DCC: variants seen among roughly 807,000 people sequenced by gnomAD.
DCC encodes DCC netrin 1 receptor, also known as netrin receptor DCC.
Under a neutral mutation model 172.5 loss-of-function variants are expected in DCC, and 58 were observed. That is an observed-to-expected ratio of 0.34 (90% CI 0.27 to 0.42). The LOEUF (loss-of-function observed/expected upper bound fraction) is 0.42. Among genes scored for constraint, DCC ranks in the 10% least tolerant of loss-of-function variants. The pLI, the probability that DCC is intolerant of heterozygous loss-of-function variation, is 1.00. For synonymous variants in DCC, 709 were observed against 644.5 expected, an observed-to-expected ratio of 1.10 and a Z score of -1.52; for missense variants, 1,740 against 1,791.0, an observed-to-expected ratio of 0.97 and a Z score of 0.51.
chr18:53,484,496 A>G (rs1177539647), intron 25 of DCC, among the ~76,000 whole-genome samples: 2 of 152,036 alleles, frequency 1.3e-5, no homozygotes, highest in East Asian at 3.9e-4. Flanking sequence ...GAAACCTAAA[A>G]AGATCATAAA....
chr18:52,712,175 G>A (rs1040296541), intron 1 of DCC, among the ~76,000 whole-genome samples: 1 of 152,120 alleles, frequency 6.6e-6, no homozygotes, highest in African/African-American at 2.4e-5. Context: ...TGGCCAGGAT[G>A]GCCTTGATCT....
At chr18:53,395,855 C>G (rs1273934624) in intron 17 of DCC, among the ~76,000 whole-genome samples, 5 of 152,086 alleles carry the variant, frequency 3.3e-5, no homozygotes, top group Admixed American at 3.3e-4. Flanking sequence ...ATTGGTCAGG[C>G]TAGTCTTGAA....
At chr18:53,028,402 T>A (rs899884440) in intron 5 of DCC, among the ~76,000 whole-genome samples, 5 of 152,142 alleles carry the variant, frequency 3.3e-5, no homozygotes, top group Non-Finnish European at 5.9e-5. Flanking sequence ...CAGACTTGCC[T>A]CTTTTCACCA....
At chr18:52,637,031 G>C (rs2034794573) in intron 1 of DCC, among the ~76,000 whole-genome samples, 1 of 152,182 alleles carries the variant, frequency 6.6e-6, no homozygotes, top group Admixed American at 6.5e-5. Flanking sequence ...CCTGGAGCCA[G>C]GTAGATTTGT....
chr18:53,209,624 A>T (rs978621346), intron 11 of DCC, among the ~76,000 whole-genome samples: 7 of 152,308 alleles, frequency 4.6e-5, no homozygotes, highest in Non-Finnish European at 1.0e-4. Flanking sequence ...ATTCAACTTT[A>T]AAATGTATTT....
chr18:53,257,308 CT>C (rs2056531628), intron 12 of DCC, among the ~76,000 whole-genome samples: 1 of 152,150 alleles, frequency 6.6e-6, no homozygotes, highest in Admixed American at 6.5e-5. Flanking sequence ...AAAGGGAATG[CT>C]TCCAGTTTTT....
At chr18:53,339,654 C>A in intron 14 of DCC, 59 bp from the exon 15 acceptor site, 1 of 1,302,704 alleles carries the variant, frequency 7.7e-7, no homozygotes, top group Non-Finnish European at 1.1e-6. Flanking sequence ...AAATGGTGTT[C>A]TGCCGTGCTA....
At chr18:52,794,111 G>T (rs1299223198) in intron 2 of DCC, among the ~76,000 whole-genome samples, 4 of 152,016 alleles carry the variant, frequency 2.6e-5, no homozygotes, top group African/African-American at 2.4e-5. Context: ...ATTTTGCTCA[G>T]TATTGCTTTG....
At chr18:52,475,094 C>A (rs1014426831) in intron 1 of DCC, among the ~76,000 whole-genome samples, 1 of 152,138 alleles carries the variant, frequency 6.6e-6, no homozygotes, top group African/African-American at 2.4e-5. Flanking sequence ...AAGTGAAGGG[C>A]CTGACATCTA....
In DCC at chr18:53,337,235, C is replaced by T. The variant is rs550448583; in HGVS notation, c.2165-2478C>T. Among the ~76,000 whole-genome samples the T allele has an allele frequency of 4.6e-5, 7 of 152,344 alleles. No homozygotes were observed. The South Asian group carries it at 1.2e-3, about 27-fold the overall frequency. On this transcript the variant is annotated intron_variant, in intron 14 of 28. Coordinates refer to ENST00000442544, the MANE Select transcript of DCC (RefSeq NM_005215.4). Reference sequence around the variant, plus strand: ...TATTCTAAAAGATGTTAAATATTGTCATTAAAATCATTATGATTTCATATT... The same window carrying T: ...TATTCTAAAAGATGTTAAATATTGTTATTAAAATCATTATGATTTCATATT...
intron 1 of DCC, among the ~76,000 whole-genome samples, chr18:52,402,069 A>G (rs1986461642): frequency 6.6e-6 from 1 of 152,010 alleles, no homozygotes; most frequent in Non-Finnish European, 1.5e-5. Context: ...TTACTTGTCA[A>G]GGGTTGCATG....
intron 24 of DCC, 72 bp downstream of exon 24, chr18:53,459,530 T>C (rs1031257364): frequency 1.1e-6 from 1 of 921,366 alleles, no homozygotes; most frequent in Non-Finnish European, 1.8e-6. Context: ...ACTCCTTTTA[T>C]GGAAATGTCT....
intron 1 of DCC, among the ~76,000 whole-genome samples, chr18:52,476,839 C>T (rs1041203538): frequency 5.9e-5 from 9 of 152,124 alleles, no homozygotes; most frequent in African/African-American, 1.7e-4. Flanking sequence ...GGAATTTTGT[C>T]GAGCATCACT....
intron 2 of DCC, among the ~76,000 whole-genome samples, chr18:52,771,791 C>A (rs2037348481): frequency 6.7e-6 from 1 of 149,286 alleles, no homozygotes; most frequent in African/African-American, 2.4e-5. Flanking sequence ...TCTCTAGTCA[C>A]CTCTCTCATA....
At chr18:52,827,958 G>A (rs1456498148) in intron 2 of DCC, among the ~76,000 whole-genome samples, 1 of 152,096 alleles carries the variant, frequency 6.6e-6, no homozygotes, top group East Asian at 1.9e-4. Flanking sequence ...GAAATTTATA[G>A]TAGTAGTTTT....
At chr18:52,780,804 T>G (rs1030297151) in intron 2 of DCC, among the ~76,000 whole-genome samples, 2 of 152,142 alleles carry the variant, frequency 1.3e-5, no homozygotes, top group East Asian at 3.9e-4. Context: ...CTTTCTGCTT[T>G]TGCTGTTTTC....
intron 7 of DCC, among the ~76,000 whole-genome samples, chr18:53,083,848 T>C (rs964521470): frequency 5.9e-5 from 9 of 152,188 alleles, no homozygotes; most frequent in African/African-American, 1.9e-4. Context: ...TTTACAGCCT[T>C]CTTTTGTAGC....
chr18:53,395,638 G>A (rs1025480230), intron 17 of DCC, among the ~76,000 whole-genome samples: 4 of 151,986 alleles, frequency 2.6e-5, no homozygotes, highest in African/African-American at 9.7e-5. Context: ...TATTTTTACA[G>A]GTTTTTCTTA....
chr18:52,587,670 G>T (rs1323540952), intron 1 of DCC, among the ~76,000 whole-genome samples: 1 of 152,158 alleles, frequency 6.6e-6, no homozygotes, highest in African/African-American at 2.4e-5. Context: ...ACTGCTCAAA[G>T]TTCTGCCCAT....
Sources: gnomAD v4.1 joint callset for allele counts (sites outside exome capture counted in the v4.1 genomes callset) on GRCh38, gnomAD v4.1.1 for gene constraint, MANE v1.5 for transcripts, NCBI Gene and HGNC (gene_info 2026-07-23, HGNC 2026-07-21) for gene names.